Variants in GLYATL1 observed in about 807,000 individuals in gnomAD.
The protein encoded by GLYATL1 is glycine N-acyltransferase-like protein 1.
GLYATL1 carries 15 observed loss-of-function variants against 20.0 expected under a neutral mutation model. That is an observed-to-expected ratio of 0.75 (90% CI 0.50 to 1.15). The LOEUF is 1.15. GLYATL1 is among the 50% of genes most tolerant of loss of function. The probability of loss-of-function intolerance (pLI) is 0.00; values close to 1 mark genes in which losing one functional copy is unlikely to be tolerated. For missense variants in GLYATL1, 380 were observed against 368.5 expected (o/e 1.03, Z -0.26); for synonymous variants, 151 against 131.5 (o/e 1.15, Z -1.01).
At chr11:58,911,505 T>G (rs1253843410), downstream of GLYATL1, among the ~76,000 whole-genome samples, 1 of 152,248 alleles carries the variant, frequency 6.6e-6, no homozygotes, top group Non-Finnish European at 1.5e-5. Context: ...TTTCTGATTC[T>G]TTCATTCTCA....
chr11:58,919,947 A>G (rs1855268104), intron 1 of GLYATL1, among the ~76,000 whole-genome samples: 1 of 152,104 alleles, frequency 6.6e-6, no homozygotes, highest in Admixed American at 6.5e-5. Context: ...GCTTCCCATC[A>G]AAGGTTTTCC....
rs552395668 is a variant in GLYATL1, at chr11:58,931,921, C to A, written c.-212+4092C>A. Among the ~76,000 whole-genome samples, 53 of 151,832 alleles carry A rather than the reference C, an allele frequency of 3.5e-4. 1 individual carries two copies. In the South Asian group the frequency reaches 0.01, roughly 29 times the overall value. On this transcript the variant is annotated intron_variant, in intron 1 of 7. Transcript: ENST00000317391. ...GGTCAGGTGTTCCAGACCAGACTGTCCAATATGGTGAAATCCCATCTCTAG... is the reference window on the plus strand; with the variant it reads ...GGTCAGGTGTTCCAGACCAGACTGTACAATATGGTGAAATCCCATCTCTAG...
upstream of GLYATL1, among the ~76,000 whole-genome samples, chr11:58,923,916 C>T (rs1297484346): frequency 6.6e-6 from 1 of 152,112 alleles, no homozygotes; most frequent in African/African-American, 2.4e-5. Flanking sequence ...TCCAGAAGCC[C>T]TTTTATTTCT....
At chr11:58,930,655 G>C (rs1279731421) in intron 1 of GLYATL1, among the ~76,000 whole-genome samples, 1 of 152,070 alleles carries the variant, frequency 6.6e-6, no homozygotes, top group African/African-American at 2.4e-5. Context: ...TATTTACCTA[G>C]AAATAAATGT....
chr11:58,922,252 G>C (rs1037202613), intron 1 of GLYATL1, among the ~76,000 whole-genome samples: 1 of 152,216 alleles, frequency 6.6e-6, no homozygotes, highest in Non-Finnish European at 1.5e-5. Flanking sequence ...AGGTTGAGCT[G>C]TTTCAGTCTG....
intron 1 of GLYATL1, among the ~76,000 whole-genome samples, chr11:58,929,027 GCTTTATAAC>G (rs1052960880): frequency 3.9e-5 from 6 of 152,192 alleles, no homozygotes; most frequent in African/African-American, 1.4e-4. Flanking sequence ...ATTATTACAA[GCTTTATAAC>G]CTTTCAACCT....
At chr11:58,918,177 A>G (rs1000480277) in intron 1 of GLYATL1, among the ~76,000 whole-genome samples, 4 of 152,244 alleles carry the variant, frequency 2.6e-5, no homozygotes, top group African/African-American at 4.8e-5. Flanking sequence ...CCTGGTAAGA[A>G]GGAGCAAGAG....
chr11:58,954,826 G>C lies in GLYATL1; in HGVS notation c.243G>C (p.Glu81Asp), dbSNP rs61749005. ...ACGTATATCGTATGTTCTCCAAAGA[G>C]CCTCAAAAATCAGAAGAAGTTTTGA... ...YTNVYRMFSK[E>D]PQKSEEVLKN... is the part of the protein sequence containing the mutation. The change falls in exon 5 of 7, where the codon GAG becomes GAC. Residue 81 changes from glutamate (E) to aspartate (D), a missense_variant. Glu to Asp is a conservative substitution (Grantham distance 45, BLOSUM62 2). Transcript: ENST00000532726. 3 of 1,612,978 alleles carry C rather than the reference G, an allele frequency of 1.9e-6. No individual in the cohort carries two copies. The highest frequency in any genetic ancestry group is 2.5e-6 in the Non-Finnish European group (3 of 1,179,346).
chr11:58,935,341 C>G (rs1855783803), upstream of GLYATL1: 1 of 152,172 alleles, frequency 6.6e-6, no homozygotes, highest in African/African-American at 2.4e-5. Context: ...AGGCAAAGTT[C>G]AGTGCTCACT....
chr11:58,946,077 T>G (rs1460518756), intron 2 of GLYATL1, among the ~76,000 whole-genome samples: 1 of 152,238 alleles, frequency 6.6e-6, no homozygotes, highest in African/African-American at 2.4e-5. Flanking sequence ...GTTCCTTCTC[T>G]TACATTAATT....
chr11:58,924,572 G>GT (rs1411353355), upstream of GLYATL1, among the ~76,000 whole-genome samples: 1 of 152,096 alleles, frequency 6.6e-6, no homozygotes, highest in Non-Finnish European at 1.5e-5. Flanking sequence ...ACATTTCCCC[G>GT]TTTTTGTTTT....
chr11:58,927,229 G>C (rs972322220), upstream of GLYATL1, among the ~76,000 whole-genome samples: 1 of 152,196 alleles, frequency 6.6e-6, no homozygotes, highest in Non-Finnish European at 1.5e-5. Flanking sequence ...TGGATTTGTA[G>C]AGCTACCTCG....
intron 1 of GLYATL1, among the ~76,000 whole-genome samples, chr11:58,915,485 T>A (rs1855149864): frequency 6.6e-6 from 1 of 151,830 alleles, no homozygotes; most frequent in Non-Finnish European, 1.5e-5. Context: ...GGTCTCAGAG[T>A]AGAGAGGAGC....
At chr11:58,911,523 G>A (rs1855043266), downstream of GLYATL1, among the ~76,000 whole-genome samples, 1 of 152,160 alleles carries the variant, frequency 6.6e-6, no homozygotes, top group Non-Finnish European at 1.5e-5. Context: ...TCATAGGTAT[G>A]TAATGGCATC....
rs772751412 is a variant in GLYATL1, at chr11:58,947,122, C to A, written c.35C>A (p.Ala12Asp). 1.9e-6 allele frequency: 3 copies of A among 1,613,928 alleles called. No homozygotes were observed. Among genetic ancestry groups the A allele is most frequent in the Non-Finnish European group, 1.7e-6 (2 of 1,179,788 alleles). ...CTGAATAACTCCCATAAGCTGCTGG[C>A]CCTATACAAATCCTTGGCCAGGAGC... ...ILLNNSHKLL[A>D]LYKSLARSIP... The change falls in exon 3 of 7, where the codon GCC (alanine) becomes GAC (aspartate). Residue 12 changes from alanine (A) to aspartate (D), a missense_variant. Physicochemically the swap from Ala to Asp is moderately radical, Grantham distance 126. Coordinates refer to ENST00000532726, the MANE Select transcript of GLYATL1 (RefSeq NM_001389712.2).
upstream of GLYATL1, among the ~76,000 whole-genome samples, chr11:58,924,571 C>G (rs1160061311): frequency 1.3e-5 from 2 of 152,162 alleles, no homozygotes; most frequent in South Asian, 4.1e-4. Context: ...AACATTTCCC[C>G]GTTTTTGTTT....
At chr11:58,935,371 C>T (rs1430757141), upstream of GLYATL1, 1 of 152,202 alleles carries the variant, frequency 6.6e-6, no homozygotes, top group Non-Finnish European at 1.5e-5. Flanking sequence ...TTCTTCGACA[C>T]AGAGATTGCC....
chr11:58,935,634 A>T (rs1855798841), upstream of GLYATL1: 4 of 152,196 alleles, frequency 2.6e-5, no homozygotes, highest in South Asian at 8.3e-4. Context: ...GTTTCACGGC[A>T]TCCAATCAGA....
At chr11:58,953,127 T>C (rs1857112684) in intron 4 of GLYATL1, among the ~76,000 whole-genome samples, 1 of 152,200 alleles carries the variant, frequency 6.6e-6, no homozygotes, top group Non-Finnish European at 1.5e-5. Flanking sequence ...ATGTCCTTTG[T>C]AGCAACATGG....
Sources: allele counts gnomAD v4.1 joint callset (sites outside exome capture counted in the v4.1 genomes callset), GRCh38; gene constraint gnomAD v4.1.1; transcripts MANE v1.5; gene names NCBI Gene and HGNC (gene_info 2026-07-23, HGNC 2026-07-21).